NRG3: variants seen among roughly 807,000 people sequenced by gnomAD.
NRG3 encodes neuregulin 3.
Under a neutral mutation model 66.9 loss-of-function variants are expected in NRG3, and 31 were observed. That is an observed-to-expected ratio of 0.46 (90% CI 0.35 to 0.63). The LOEUF is 0.63. NRG3 is among the 20% of genes least tolerant of loss of function. The pLI is 0.00. For missense variants in NRG3, 910 were observed against 878.9 expected, an observed-to-expected ratio of 1.04 and a Z score of -0.45; for synonymous variants, 393 against 359.4, an observed-to-expected ratio of 1.09 and a Z score of -1.06.
chr10:82,324,890 G>A (rs2081780668), intron 1 of NRG3, among the ~76,000 whole-genome samples: 1 of 152,128 alleles, frequency 6.6e-6, no homozygotes, highest in African/African-American at 2.4e-5. Context: ...TGCTGTTGTT[G>A]GATGGAGTGT....
At chr10:81,907,100 G>A (rs1244595898) in intron 1 of NRG3, among the ~76,000 whole-genome samples, 1 of 152,086 alleles carries the variant, frequency 6.6e-6, no homozygotes, top group African/African-American at 2.4e-5. Flanking sequence ...AGGAAAAATA[G>A]CACCATTTGA....
At position 82,865,783 on chromosome 10, in the gene NRG3, C is replaced by T. The variant is rs17100966; in HGVS notation, c.1054+346C>T. Among the ~76,000 whole-genome samples, 879 of 152,190 alleles carry T rather than the reference C, an allele frequency of 5.8e-3. 8 individuals carry two copies. The highest frequency in any genetic ancestry group is 0.019 in the African/African-American group (780 of 41,526). Reference sequence around the variant, plus strand: ...TGCACATGTAAATTGCTTAGCATAACGTCTGCAACATGGCAAACACTCAAT... The same window carrying T: ...TGCACATGTAAATTGCTTAGCATAATGTCTGCAACATGGCAAACACTCAAT... On this transcript the variant is annotated intron_variant, in intron 4 of 8. Transcript: ENST00000372141.
chr10:82,456,322 T>A lies in NRG3; in HGVS notation c.953+97454T>A, dbSNP rs113454293. 3.3e-3 allele frequency among the ~76,000 whole-genome samples: 499 copies of A among 152,068 alleles called. 3 individuals are homozygous for A. Among genetic ancestry groups the A allele is most frequent in the African/African-American group, 0.011 (467 of 41,468 alleles). ...AACTGGCTAATTTTTTTTTATTTTT[T>A]AACTTATTATTATTGTTATTATTTG... On this transcript the variant is annotated intron_variant, in intron 2 of 8. Coordinates refer to ENST00000372141, the MANE Select transcript of NRG3 (RefSeq NM_001010848.4).
chr10:82,005,805 A>G (rs2061357434), intron 1 of NRG3, among the ~76,000 whole-genome samples: 1 of 152,106 alleles, frequency 6.6e-6, no homozygotes, highest in Non-Finnish European at 1.5e-5. Context: ...CTTTCAGATT[A>G]CTTTTACTAA....
rs77361570 is a variant in NRG3, at chr10:81,885,939, A to G, written c.823+9776A>G. Among the ~76,000 whole-genome samples the G allele has an allele frequency of 8.5e-5, 13 of 152,292 alleles. No individual in the cohort carries two copies. The East Asian group carries it at 2.3e-3, about 27-fold the overall frequency. Reference sequence around the variant, plus strand: ...TGTAGAAATGTTTATATTAAATGATAGCTTGACTGAATTCTATTTCATTGA... The same window carrying G: ...TGTAGAAATGTTTATATTAAATGATGGCTTGACTGAATTCTATTTCATTGA... On this transcript the variant is annotated intron_variant, in intron 1 of 8. Transcript: ENST00000372141.
intron 1 of NRG3, among the ~76,000 whole-genome samples, chr10:81,993,093 G>A (rs2060802692): frequency 6.6e-6 from 1 of 152,082 alleles, no homozygotes; most frequent in Admixed American, 6.6e-5. Context: ...TTTAGAAGAG[G>A]TAACCTAGAC....
rs143237991 is a variant in NRG3 at position 82,278,012 on chromosome 10, C to G, written c.824-80727C>G. Among the ~76,000 whole-genome samples the G allele has an allele frequency of 6.9e-3, 1,049 of 152,198 alleles. 11 individuals carry two copies. The highest frequency in any genetic ancestry group is 0.02 in the African/African-American group (843 of 41,550). ...TCTTCAGTAACTTCAAATATCACCA[C>G]ACACTACACATCTTTGAGGCCAAAG... is the stretch of plus-strand genomic sequence containing the variant. On this transcript the variant is annotated intron_variant, in intron 1 of 8. Transcript: ENST00000372141.
chr10:81,901,921 T>C (rs1466557924), intron 1 of NRG3, among the ~76,000 whole-genome samples: 1 of 152,148 alleles, frequency 6.6e-6, no homozygotes, highest in African/African-American at 2.4e-5. Flanking sequence ...CTTACATGTT[T>C]ACTTAACAAC....
chr10:82,040,341 G>T (rs905637974), intron 1 of NRG3, among the ~76,000 whole-genome samples: 1 of 151,658 alleles, frequency 6.6e-6, no homozygotes, highest in Non-Finnish European at 1.5e-5. Flanking sequence ...GTATACACAT[G>T]CACACACAAA....
At chr10:82,599,172 T>C (rs564049238) in intron 2 of NRG3, among the ~76,000 whole-genome samples, 2 of 152,220 alleles carry the variant, frequency 1.3e-5, no homozygotes, top group Non-Finnish European at 2.9e-5. Context: ...AGAACTAAAA[T>C]AGTGGCTACA....
chr10:82,777,398 C>T (rs917944692), intron 3 of NRG3, among the ~76,000 whole-genome samples: 2 of 152,098 alleles, frequency 1.3e-5, no homozygotes, highest in African/African-American at 4.8e-5. Flanking sequence ...TGCTGTACTA[C>T]AAGACACAGG....
Position 82,378,651 on chromosome 10 carries a change from A to C in NRG3, c.953+19783A>C, listed in dbSNP as rs930193966. Among the ~76,000 whole-genome samples the C allele has an allele frequency of 1.3e-5, 2 of 151,406 alleles. 1 individual carries two copies. Among genetic ancestry groups the C allele is most frequent in the Non-Finnish European group, 2.9e-5 (2 of 67,878 alleles). On this transcript the variant is annotated intron_variant, in intron 2 of 8. Coordinates refer to ENST00000372141, the MANE Select transcript of NRG3 (RefSeq NM_001010848.4). Reference sequence around the variant, plus strand: ...GGTGGTGCGATCTTGGCTCACTGCAACCTCCACCTCCTGGGTTCAAGCGAT... The same window carrying C: ...GGTGGTGCGATCTTGGCTCACTGCACCCTCCACCTCCTGGGTTCAAGCGAT...
At chr10:82,301,686 CTA>C (rs60882154) in intron 1 of NRG3, among the ~76,000 whole-genome samples, 6,247 of 137,632 alleles carry the variant, frequency 0.045, 225 homozygotes, top group African/African-American at 0.097. Flanking sequence ...ACATATATTC[CTA>C]TATATATATA....
chr10:81,980,678 C>T (rs1393037609), intron 1 of NRG3, among the ~76,000 whole-genome samples: 5 of 152,126 alleles, frequency 3.3e-5, no homozygotes, highest in Non-Finnish European at 7.4e-5. Flanking sequence ...GCGAGGACTT[C>T]CATACAAAAT....
At chr10:82,041,467 C>G (rs1391331166) in intron 1 of NRG3, among the ~76,000 whole-genome samples, 1 of 152,004 alleles carries the variant, frequency 6.6e-6, no homozygotes, top group Non-Finnish European at 1.5e-5. Flanking sequence ...AAATCTGCCT[C>G]ATTCTACTGG....
At chr10:82,720,690 G>T (rs1238503733) in intron 2 of NRG3, among the ~76,000 whole-genome samples, 1 of 151,702 alleles carries the variant, frequency 6.6e-6, no homozygotes, top group Non-Finnish European at 1.5e-5. Context: ...CATAGAATGG[G>T]TCTTCAAGGA....
Position 82,166,109 on chromosome 10 carries a change from G to A in NRG3, c.824-192630G>A, listed in dbSNP as rs1185251676. 6.6e-5 allele frequency among the ~76,000 whole-genome samples: 10 copies of A among 151,884 alleles called. No individual in the cohort carries two copies. The South Asian group carries it at 8.3e-4, about 13-fold the overall frequency. ...GCGATCTCAGCTCACCACAACCTCCGCCTCCCAGGTTCAAGCAATTCTCCT... is the reference window on the plus strand; with the variant it reads ...GCGATCTCAGCTCACCACAACCTCCACCTCCCAGGTTCAAGCAATTCTCCT... On this transcript the variant is annotated intron_variant, in intron 1 of 8. Transcript: ENST00000372141.
chr10:82,136,343 A>G (rs73320353), intron 1 of NRG3, among the ~76,000 whole-genome samples: 13,638 of 152,060 alleles, frequency 0.09, 998 homozygotes, highest in African/African-American at 0.19. Context: ...GCTCCCACCT[A>G]TGTTCATTCA....
chr10:82,982,647 C>T (rs1853049801), intron 8 of NRG3, among the ~76,000 whole-genome samples: 1 of 152,146 alleles, frequency 6.6e-6, no homozygotes, highest in Non-Finnish European at 1.5e-5. Context: ...TTTCCCCTCC[C>T]TCTGAGCAAT....
Sources: gnomAD v4.1 joint callset for allele counts (sites outside exome capture counted in the v4.1 genomes callset) on GRCh38, gnomAD v4.1.1 for gene constraint, MANE v1.5 for transcripts, NCBI Gene and HGNC (gene_info 2026-07-23, HGNC 2026-07-21) for gene names.